The following B3GALT1 variants were observed in gnomAD, a reference collection of about 807,000 sequenced individuals.
The protein encoded by B3GALT1 is beta-1,3-galactosyltransferase 1.
In B3GALT1, 10 loss-of-function variants were observed where a neutral mutation model predicts 23.2. The ratio of observed to expected loss-of-function variants is 0.43; its 90% CI spans 0.27 to 0.73. The LOEUF is 0.73. Among genes scored for constraint, B3GALT1 ranks in the 30% least tolerant of loss-of-function variants. The probability of loss-of-function intolerance (pLI) is 0.21; values close to 1 mark genes in which losing one functional copy is unlikely to be tolerated. For missense variants in B3GALT1, 299 were observed against 405.4 expected, an observed-to-expected ratio of 0.74 and a Z score of 2.25; for synonymous variants, 156 against 141.5, an observed-to-expected ratio of 1.10 and a Z score of -0.73.
chr2:167,594,286 G>T (rs1227455610), intron 2 of B3GALT1, among the ~76,000 whole-genome samples: 1 of 152,164 alleles, frequency 6.6e-6, no homozygotes, highest in East Asian at 1.9e-4. Flanking sequence ...ATAGTGCTCA[G>T]TAAACCATAG....
At chr2:167,548,545 A>G (rs1254660665) in intron 2 of B3GALT1, among the ~76,000 whole-genome samples, 1 of 152,108 alleles carries the variant, frequency 6.6e-6, no homozygotes, top group African/African-American at 2.4e-5. Context: ...TGGAATGCAT[A>G]GGTGTGGCTG....
At chr2:167,571,595 G>T (rs1558910968) in intron 2 of B3GALT1, among the ~76,000 whole-genome samples, 1 of 151,872 alleles carries the variant, frequency 6.6e-6, no homozygotes, top group Non-Finnish European at 1.5e-5. Context: ...AAACACATGG[G>T]TTCTGATCAG....
intron 1 of B3GALT1, among the ~76,000 whole-genome samples, chr2:167,444,549 G>A (rs572591547): frequency 1.2e-4 from 18 of 152,270 alleles, no homozygotes; most frequent in Non-Finnish European, 2.6e-4. Context: ...TTCAGATCCT[G>A]TTATTGGTCT....
chr2:167,749,818 T>G (rs1348933948), intron 3 of B3GALT1, among the ~76,000 whole-genome samples: 1 of 152,250 alleles, frequency 6.6e-6, no homozygotes, highest in Admixed American at 6.5e-5. Flanking sequence ...GAGTTCATTC[T>G]GAGTCTTTGA....
At chr2:167,689,228 T>C (rs1686670972) in intron 3 of B3GALT1, among the ~76,000 whole-genome samples, 1 of 150,328 alleles carries the variant, frequency 6.7e-6, no homozygotes, top group Non-Finnish European at 1.5e-5. Context: ...AGTGGATCTC[T>C]CATCAGAAAC....
chr2:167,432,224 T>C (rs73023860), intron 1 of B3GALT1, among the ~76,000 whole-genome samples: 2 of 152,066 alleles, frequency 1.3e-5, no homozygotes, highest in Non-Finnish European at 2.9e-5. Flanking sequence ...CTGCAGAGAG[T>C]TGGCTGAACA....
intron 1 of B3GALT1, among the ~76,000 whole-genome samples, chr2:167,391,875 A>G (rs1335945022): frequency 1.3e-5 from 2 of 152,156 alleles, no homozygotes; most frequent in African/African-American, 2.4e-5. Flanking sequence ...CCCTCAATTA[A>G]TACCCATTGT....
chr2:167,732,881 C>T (rs999382200), intron 3 of B3GALT1, among the ~76,000 whole-genome samples: 17 of 152,312 alleles, frequency 1.1e-4, no homozygotes, highest in African/African-American at 4.1e-4. Flanking sequence ...ACAGCCAGCA[C>T]TTTGAGTGTT....
intron 3 of B3GALT1, among the ~76,000 whole-genome samples, chr2:167,651,427 C>G (rs1388023156): frequency 1.3e-5 from 2 of 152,134 alleles, no homozygotes; most frequent in Non-Finnish European, 2.9e-5. Context: ...GTTACTTTCC[C>G]TATATATTCA....
chr2:167,648,888 A>G (rs1685804784), intron 3 of B3GALT1, among the ~76,000 whole-genome samples: 1 of 151,970 alleles, frequency 6.6e-6, no homozygotes, highest in Admixed American at 6.6e-5. Context: ...TTTAACCTCC[A>G]TTAACCCACT....
intron 3 of B3GALT1, among the ~76,000 whole-genome samples, chr2:167,791,024 G>A (rs1688430119): frequency 6.6e-6 from 1 of 152,104 alleles, no homozygotes; most frequent in Non-Finnish European, 1.5e-5. Context: ...TCTATTTGCT[G>A]GAACCCTGTC....
intron 3 of B3GALT1, among the ~76,000 whole-genome samples, chr2:167,653,018 A>G (rs977528934): frequency 6.6e-6 from 1 of 152,164 alleles, no homozygotes; most frequent in East Asian, 1.9e-4. Context: ...TTAATACCTG[A>G]GTGCCTACAC....
intron 1 of B3GALT1, among the ~76,000 whole-genome samples, chr2:167,386,998 C>T (rs1697938570): frequency 6.6e-6 from 1 of 151,380 alleles, no homozygotes; most frequent in South Asian, 2.1e-4. Flanking sequence ...GATTTCAATA[C>T]TGGTAGGTAG....
At chr2:167,593,726 C>A (rs1391034003) in intron 2 of B3GALT1, among the ~76,000 whole-genome samples, 1 of 152,180 alleles carries the variant, frequency 6.6e-6, no homozygotes, top group East Asian at 1.9e-4. Flanking sequence ...GGAACAAGGG[C>A]AGCCAAGGTC....
rs142406541 is a variant in B3GALT1 at position 167,550,740 on chromosome 2, G to C, written c.-410+60463G>C. Among the ~76,000 whole-genome samples, 597 of 152,304 alleles carry C rather than the reference G, an allele frequency of 3.9e-3. 1 individual carries two copies. The highest frequency in any genetic ancestry group is 4.7e-3 in the Non-Finnish European group (317 of 68,018). ...ATTCTGTTGAAAGAGGGATGAAAGA[G>C]AGGAAGTTGCATCTGAAGAATGAGA... On this transcript the variant is annotated intron_variant, in intron 2 of 4. Coordinates refer to ENST00000392690, the MANE Select transcript of B3GALT1 (RefSeq NM_020981.4).
chr2:167,753,396 C>T (rs915937331), intron 3 of B3GALT1, among the ~76,000 whole-genome samples: 1 of 152,164 alleles, frequency 6.6e-6, no homozygotes, highest in Non-Finnish European at 1.5e-5. Flanking sequence ...AAGCACACAA[C>T]CTGCTGAGGA....
intron 2 of B3GALT1, among the ~76,000 whole-genome samples, chr2:167,643,256 G>C (rs183940678): frequency 6.6e-6 from 1 of 152,284 alleles, no homozygotes; most frequent in Admixed American, 6.5e-5. Context: ...ACTCTTTGTT[G>C]ATGATTCAAG....
rs1688368925 is a variant in B3GALT1 at position 167,787,811 on chromosome 2, TGGAGA to T, written c.-351-30859_-351-30855del. Among the ~76,000 whole-genome samples the T allele has an allele frequency of 2.6e-5, 4 of 152,196 alleles. No homozygotes were observed. In the South Asian group the frequency reaches 8.3e-4, roughly 31 times the overall value. ...GGTCAGGAGCAGAGAGGAGGTCAGC[TGGAGA>T]GTCTGTCACCTGTCAGAGATGAGTA... On this transcript the variant is annotated intron_variant, in intron 3 of 4. Coordinates refer to ENST00000392690, the MANE Select transcript of B3GALT1 (RefSeq NM_020981.4).
At chr2:167,772,783 C>A (rs1688094712) in intron 3 of B3GALT1, among the ~76,000 whole-genome samples, 1 of 152,198 alleles carries the variant, frequency 6.6e-6, no homozygotes, top group African/African-American at 2.4e-5. Context: ...TCTTCCCAAG[C>A]TCATATAAAC....
Sources: allele counts gnomAD v4.1 joint callset (sites outside exome capture counted in the v4.1 genomes callset), GRCh38; gene constraint gnomAD v4.1.1; transcripts MANE v1.5; gene names NCBI Gene and HGNC (gene_info 2026-07-23, HGNC 2026-07-21).